KRT8: variants seen among roughly 807,000 people sequenced by gnomAD.
The protein encoded by KRT8 is keratin 8.
A neutral mutation model predicts 43.0 loss-of-function variants in KRT8; 24 were observed. That is an observed-to-expected ratio of 0.56 (90% CI 0.40 to 0.78). KRT8 has a LOEUF of 0.78. Among genes scored for constraint, KRT8 ranks in the 30% least tolerant of loss-of-function variants. The pLI is 0.00. For missense variants in KRT8, 492 were observed against 638.4 expected, an observed-to-expected ratio of 0.77 and a Z score of 2.47; for synonymous variants, 214 against 261.2, an observed-to-expected ratio of 0.82 and a Z score of 1.74.
chr12:52,938,127 A>G (rs1402229286), intron 2 of KRT8, among the ~76,000 whole-genome samples: 1 of 96,534 alleles, frequency 1.0e-5, no homozygotes, highest in Non-Finnish European at 2.2e-5. Context: ...TTACACACCC[A>G]CTAGAAAGCT....
At chr12:52,949,736 T>G in exon 1 of KRT8, 1 of 763,288 alleles carries the variant, frequency 1.3e-6, no homozygotes, top group Non-Finnish European at 2.3e-6. Flanking sequence ...TCCGCGCACC[T>G]AGCCACAGGG....
upstream of KRT8, chr12:52,905,116 G>A (rs1371263162): frequency 2.1e-6 from 3 of 1,442,364 alleles, no homozygotes; most frequent in Admixed American, 2.5e-5. Flanking sequence ...GGGGATGGGG[G>A]GGAAAGGCCT....
chr12:52,898,360 G>T, intron 7 of KRT8, 101 bp downstream of exon 7: 2 of 969,720 alleles, frequency 2.1e-6, no homozygotes, highest in Non-Finnish European at 1.6e-6. Context: ...GAGTGCTCAG[G>T]CTGAGGTCAC....
At chr12:52,900,111 G>A in intron 4 of KRT8, 46 bp from the exon 5 acceptor site, 3 of 1,598,880 alleles carry the variant, frequency 1.9e-6, no homozygotes, top group African/African-American at 1.3e-5. Context: ...TCTGCACACA[G>A]GGAGCCCCCT....
chr12:52,927,651 A>T (rs1012277167), intron 2 of KRT8, among the ~76,000 whole-genome samples: 20 of 152,176 alleles, frequency 1.3e-4, no homozygotes, highest in Non-Finnish European at 2.4e-4. Flanking sequence ...TTGTGGGCAG[A>T]GCCGAGCCTG....
intron 2 of KRT8, among the ~76,000 whole-genome samples, chr12:52,933,958 G>A (rs1436815734): frequency 2.0e-5 from 3 of 151,852 alleles, no homozygotes; most frequent in Non-Finnish European, 2.9e-5. Flanking sequence ...AGCCGGGAAC[G>A]GTGGCTCACG....
chr12:52,903,381 A>G (rs967661637), intron 1 of KRT8: 2 of 152,226 alleles, frequency 1.3e-5, no homozygotes, highest in African/African-American at 4.8e-5. Flanking sequence ...GCTGCTCTCT[A>G]TAAGGACCCC....
intron 2 of KRT8, among the ~76,000 whole-genome samples, chr12:52,925,510 T>A (rs1484515627): frequency 6.6e-6 from 1 of 152,172 alleles, no homozygotes; most frequent in East Asian, 1.9e-4. Flanking sequence ...TCCCCCTCCG[T>A]CATCCTGGCC....
At chr12:52,904,593 A>T in intron 1 of KRT8, 65 bp downstream of exon 1, 1 of 1,456,390 alleles carries the variant, frequency 6.9e-7, no homozygotes, top group Non-Finnish European at 9.6e-7. Flanking sequence ...AGATGTGCAT[A>T]GGGACCGGGA....
intron 2 of KRT8, among the ~76,000 whole-genome samples, chr12:52,917,772 A>G (rs1052625325): frequency 9.9e-5 from 15 of 150,776 alleles, no homozygotes; most frequent in African/African-American, 3.4e-4. Context: ...CCAGCTATTC[A>G]GGAGGCTGAG....
intron 1 of KRT8, 34 bp from the exon 2 acceptor site, chr12:52,902,106 A>T (rs1305085596): frequency 7.3e-7 from 1 of 1,377,552 alleles, no homozygotes; most frequent in South Asian, 1.2e-5. Flanking sequence ...AAAGGTCTAC[A>T]TCAGGCCAGG....
chr12:52,939,802 G>A lies in KRT8; in HGVS notation c.-47+9654C>T, dbSNP rs754152924. 1.5e-4 allele frequency among the ~76,000 whole-genome samples: 23 copies of A among 151,944 alleles called. 1 individual carries two copies. Among genetic ancestry groups the A allele is most frequent in the South Asian group, 8.3e-4 (4 of 4,792 alleles). ...GCTTTATTCATAATTGCTAAAAACT[G>A]GAGCTGAGCACTGTGCCTCATGCCT... On this transcript the variant is annotated intron_variant, in intron 2 of 6. Coordinates refer to the KRT8 transcript ENST00000546826.
exon 1 of KRT8, chr12:52,904,990 C>T (rs1036927700): frequency 3.1e-6 from 5 of 1,603,242 alleles, no homozygotes; most frequent in African/African-American, 2.7e-5. Flanking sequence ...ATGGTAGAGG[C>T]AGGAGTGGAG....
chr12:52,901,996 CT>C lies in KRT8; in HGVS notation c.400del (p.Ser134AlafsTer26), dbSNP rs1941382780. ...GCTCTCGAACATGTTGTCCATGTTG[CT>C]TCGAGCCGTCTTCTGCTGCTGCAGG... On this transcript the variant is annotated frameshift_variant, in exon 2 of 8. Transcript: ENST00000692008. LOFTEE classifies it high-confidence loss of function. 6.2e-7 allele frequency: 1 copy of C among 1,604,174 alleles called. No individual in the cohort carries two copies.
In KRT8 at chr12:52,897,343, C is replaced by T. The variant is rs780056653; in HGVS notation, c.*85G>A. ...CTGAGCCTCAGGTGGGTCTCCTGTT[C>T]CCAGTGCTACCCTGCATAGCGGCCT... On this transcript the variant is annotated 3_prime_UTR_variant, in exon 8 of 8. Coordinates refer to ENST00000692008, the Ensembl canonical transcript of KRT8. 1.4e-5 allele frequency: 18 copies of T among 1,271,812 alleles called. No homozygotes were observed. In the South Asian group the frequency reaches 2.0e-4, roughly 14 times the overall value. 78.8% of individuals were successfully genotyped at this position (1,271,812 alleles called of 1,614,324 possible).
chr12:52,949,069 G>T, intron 2 of KRT8: 1 of 1,102,074 alleles, frequency 9.1e-7, no homozygotes, highest in South Asian at 1.3e-5. Context: ...TCCGGGGCGG[G>T]GGCGGGGCCT....
chr12:52,925,091 C>T (rs1459656340), intron 2 of KRT8, among the ~76,000 whole-genome samples: 2 of 152,084 alleles, frequency 1.3e-5, no homozygotes, highest in African/African-American at 4.8e-5. Flanking sequence ...GGGGCAAGGC[C>T]GGGATGATTG....
chr12:52,928,703 G>A (rs948286359), intron 2 of KRT8, among the ~76,000 whole-genome samples: 4 of 152,192 alleles, frequency 2.6e-5, no homozygotes, highest in East Asian at 1.9e-4. Context: ...TCAGGAGTTC[G>A]AGACCAGCCT....
At chr12:52,900,940 CTGTT>C (rs964231232) in intron 3 of KRT8, 12 of 638,362 alleles carry the variant, frequency 1.9e-5, no homozygotes, top group Non-Finnish European at 2.8e-5. Context: ...TTCTACTGCT[CTGTT>C]TTCTGAACCA....
Sources: gnomAD v4.1 joint callset for allele counts (sites outside exome capture counted in the v4.1 genomes callset) on GRCh38, gnomAD v4.1.1 for gene constraint, MANE v1.5 for transcripts, NCBI Gene and HGNC (gene_info 2026-07-23, HGNC 2026-07-21) for gene names.